Variants in SIX6 observed in about 807,000 individuals in gnomAD.
SIX6 encodes the protein homeobox protein SIX6.
In SIX6, 14 loss-of-function variants were observed where a neutral mutation model predicts 23.6. The ratio of observed to expected loss-of-function variants is 0.59; its 90% CI spans 0.39 to 0.93. The LOEUF (loss-of-function observed/expected upper bound fraction) is 0.93, where lower values mean the gene tolerates loss of function less well. Among genes scored for constraint, SIX6 ranks in the 40% least tolerant of loss-of-function variants. The pLI, the probability that SIX6 is intolerant of heterozygous loss-of-function variation, is 0.00. For missense variants in SIX6, 307 were observed against 325.6 expected, an observed-to-expected ratio of 0.94 and a Z score of 0.44; for synonymous variants, 128 against 144.9, an observed-to-expected ratio of 0.88 and a Z score of 0.84.
Position 60,509,777 on chromosome 14 carries a change from G to A in SIX6, c.379G>A (p.Asp127Asn). The A allele has an allele frequency of 6.2e-7, 1 of 1,613,190 alleles. No individual in the cohort carries two copies. ...GTTCCCGCTGCCGCGCACCATTTGG[G>A]ACGGCGAACAGAAGACACACTGCTT... is the stretch of plus-strand genomic sequence containing the variant. Reference protein sequence around the residue: ...KKFPLPRTIWDGEQKTHCFKE... With the variant: ...KKFPLPRTIWNGEQKTHCFKE... Residue 127 changes from aspartate to asparagine, a missense_variant, in exon 1 of 2, where the codon GAC becomes AAC. Coordinates refer to ENST00000327720, the MANE Select transcript of SIX6 (RefSeq NM_007374.3).
At chr14:60,510,300 T>C (rs1397588953) in intron 1 of SIX6, among the ~76,000 whole-genome samples, 1 of 152,216 alleles carries the variant, frequency 6.6e-6, no homozygotes, top group Admixed American at 6.5e-5. Context: ...CCAAAGCTAA[T>C]TCTTGTCAGC....
chr14:60,509,244 C>A lies in SIX6; in HGVS notation c.-155C>A. On this transcript the variant is annotated 5_prime_UTR_variant, in exon 1 of 2. Coordinates refer to ENST00000327720, the MANE Select transcript of SIX6 (RefSeq NM_007374.3). ...CCTCCTCCAGTCGGGGTCGTCCGCT[C>A]CCGGCCGTTGAGCCACCGCCGCCAC... is the stretch of plus-strand genomic sequence containing the variant. 1.5e-6 allele frequency: 1 copy of A among 684,398 alleles called. No homozygotes were observed. The highest frequency in any genetic ancestry group is 1.7e-5 in the South Asian group (1 of 58,432). 42.4% of individuals were successfully genotyped at this position (684,398 alleles called of 1,614,324 possible). A position where few individuals can be genotyped will look rare whatever the true frequency, so the allele number is the denominator to read the frequency against.
chr14:60,512,010 TATATGTATGTACCTATACAAAC>T lies in SIX6; in HGVS notation c.*792_*813del, dbSNP rs11267915. ...CCACGTCAAATTACACGTATGTGCA[TATATGTATGTACCTATACAAAC>T]ATATGTATGTACCTATACAAACATA... On this transcript the variant is annotated 3_prime_UTR_variant, in exon 2 of 2. Coordinates refer to ENST00000327720, the MANE Select transcript of SIX6 (RefSeq NM_007374.3). 131,261 of 150,872 alleles carry T rather than the reference TATATGTATGTACCTATACAAAC, an allele frequency of 0.87. 57,705 individuals are homozygous for T. Among genetic ancestry groups the T allele is most frequent in the Non-Finnish European group, 0.92 (62,323 of 67,854 alleles). 9.3% of individuals were successfully genotyped at this position (150,872 alleles called of 1,614,324 possible). A position where few individuals can be genotyped will look rare whatever the true frequency, so the allele number is the denominator to read the frequency against.
rs1008740006 is a variant in SIX6, at chr14:60,512,766, A to G, written c.*1514A>G. On this transcript the variant is annotated 3_prime_UTR_variant, in exon 2 of 2. Coordinates refer to ENST00000327720, the MANE Select transcript of SIX6 (RefSeq NM_007374.3). ...CAAAAACATCTACCATCTTTGCACT[A>G]AGAAAATAAATGCTAGCCAGAGTCT... The G allele has an allele frequency of 6.6e-6, 1 of 152,242 alleles. No individual in the cohort carries two copies. The highest frequency in any genetic ancestry group is 6.5e-5 in the Admixed American group (1 of 15,284). 9.4% of individuals were successfully genotyped at this position (152,242 alleles called of 1,614,324 possible). A position where few individuals can be genotyped will look rare whatever the true frequency, so the allele number is the denominator to read the frequency against.
rs148118869 is a variant in SIX6, at chr14:60,511,127, C to T, written c.616C>T (p.Arg206Trp). Residue 206 changes from arginine (R) to tryptophan (W), a missense_variant, in exon 2 of 2, where the codon CGG (arginine) becomes TGG (tryptophan). Transcript: ENST00000327720. ...VLSQGSGRAL[R>W]AEGDGTPEVL... is the part of the protein sequence containing the mutation. ...GTCACAGGGTTCCGGGCGGGCACTA[C>T]GGGCGGAGGGCGACGGCACGCCAGA... is the stretch of plus-strand genomic sequence containing the variant. 2 of 1,612,688 alleles carry T rather than the reference C, an allele frequency of 1.2e-6. No individual in the cohort carries two copies. Among genetic ancestry groups the T allele is most frequent in the Middle Eastern group, 1.6e-4 (1 of 6,068 alleles).
chr14:60,509,677 A>G lies in SIX6; in HGVS notation c.279A>G (p.Glu93=). ...CCAAGCTGCAGGCGCTGTGGCTTGAAGCACACTACCAGGAGGCTGAGAAGC... is the reference window on the plus strand; with the variant it reads ...CCAAGCTGCAGGCGCTGTGGCTTGAGGCACACTACCAGGAGGCTGAGAAGC... The part of the protein sequence containing the change: ...SHAKLQALWL[E]AHYQEAEKLR... Residue 93 remains glutamate, a synonymous_variant, in exon 1 of 2, where the codon GAA becomes GAG. Coordinates refer to ENST00000327720, the MANE Select transcript of SIX6 (RefSeq NM_007374.3). 6.2e-7 allele frequency: 1 copy of G among 1,614,052 alleles called. No homozygotes were observed. The highest frequency in any genetic ancestry group is 8.5e-7 in the Non-Finnish European group (1 of 1,180,006).
Position 60,509,822 on chromosome 14 carries a change from CT to C in SIX6, c.425del (p.Leu142ArgfsTer26). ...THCFKERTRH[L>X]LREWYLQDPY... ...CTGCTTCAAGGAGCGCACGCGGCAC[CT>C]GCTACGCGAGTGGTACCTGCAGGAT... On this transcript the variant is annotated frameshift_variant, in exon 1 of 2. Transcript: ENST00000327720. LOFTEE classifies it high-confidence loss of function. The C allele has an allele frequency of 6.2e-7, 1 of 1,613,904 alleles. No homozygotes were observed. The highest frequency in any genetic ancestry group is 8.5e-7 in the Non-Finnish European group (1 of 1,179,818).
Position 60,511,194 on chromosome 14 carries a change from G to A in SIX6, c.683G>A (p.Ser228Asn), listed in dbSNP as rs757206532. The change falls in exon 2 of 2, where the codon AGC (serine) becomes AAC (asparagine). Residue 228 changes from serine (S) to asparagine (N), a missense_variant. By Grantham distance (46) the Ser-to-Asn change is conservative. Coordinates refer to ENST00000327720, the MANE Select transcript of SIX6 (RefSeq NM_007374.3). ...ACCAGCCCGGCCGCCAGTCTATCCA[G>A]CAAGGCGGCCACTTCAGCCATCTCC... is the stretch of plus-strand genomic sequence containing the variant. ...VATSPAASLS[S>N]KAATSAISIT... is the part of the protein sequence containing the mutation. 3 of 1,612,992 alleles carry A rather than the reference G, an allele frequency of 1.9e-6. No homozygotes were observed. Among genetic ancestry groups the A allele is most frequent in the African/African-American group, 1.3e-5 (1 of 74,946 alleles).
At chr14:60,510,741 C>A (rs945950645) in intron 1 of SIX6, among the ~76,000 whole-genome samples, 7 of 152,246 alleles carry the variant, frequency 4.6e-5, no homozygotes, top group African/African-American at 1.7e-4. Flanking sequence ...CCGATCTGTC[C>A]TTGTCACCCA....
At position 60,509,606 on chromosome 14, in the gene SIX6, C is replaced by T; in HGVS notation, c.208C>T (p.Leu70Phe). ...CTTTCACGGTGGCAACTACCGCGAG[C>T]TCTATCATATCCTGGAAAACCACAA... ...VAFHGGNYRE[L>F]YHILENHKFT... Residue 70 changes from leucine to phenylalanine, a missense_variant, in exon 1 of 2, where the codon CTC becomes TTC. Leu to Phe is a conservative substitution (Grantham distance 22). Transcript: ENST00000327720. 1 of 1,613,618 alleles carries T rather than the reference C, an allele frequency of 6.2e-7. No homozygotes were observed. Among genetic ancestry groups the T allele is most frequent in the Non-Finnish European group, 8.5e-7 (1 of 1,180,002 alleles).
In SIX6 at chr14:60,509,375, C is replaced by T. The variant is rs1240873007; in HGVS notation, c.-24C>T. ...CGTGTCCCGCTCCGGGCTCAGTGCC[C>T]TCGCCGCCGCCGGCACTGCCTCGAT... On this transcript the variant is annotated 5_prime_UTR_variant, in exon 1 of 2. Transcript: ENST00000327720. 2 of 1,596,054 alleles carry T rather than the reference C, an allele frequency of 1.3e-6. No individual in the cohort carries two copies. Among genetic ancestry groups the T allele is most frequent in the Admixed American group, 1.7e-5 (1 of 60,024 alleles).
rs747563121 is a variant in SIX6 at position 60,509,410 on chromosome 14, G to C, written c.12G>C (p.Leu4=). The change falls in exon 1 of 2, where the codon CTG becomes CTC. Residue 4 remains leucine (L), a synonymous_variant. Coordinates refer to ENST00000327720, the MANE Select transcript of SIX6 (RefSeq NM_007374.3). MFQ[L]PILNFSPQQV... ...CCGGCACTGCCTCGATGTTCCAGCTGCCCATCTTGAATTTCAGCCCCCAGC... is the reference window on the plus strand; with the variant it reads ...CCGGCACTGCCTCGATGTTCCAGCTCCCCATCTTGAATTTCAGCCCCCAGC... 5 of 1,599,482 alleles carry C rather than the reference G, an allele frequency of 3.1e-6. No homozygotes were observed. In the Admixed American group the frequency reaches 6.7e-5, roughly 21 times the overall value.
intron 1 of SIX6, among the ~76,000 whole-genome samples, 158 bp downstream of exon 1, chr14:60,510,128 C>A (rs1355610125): frequency 6.6e-6 from 1 of 152,172 alleles, no homozygotes; most frequent in Non-Finnish European, 1.5e-5. Context: ...GGCTCCTGGC[C>A]GGGAGTTCCC....
intron 1 of SIX6, among the ~76,000 whole-genome samples, chr14:60,510,481 C>T (rs922279585): frequency 2.6e-5 from 4 of 152,236 alleles, no homozygotes; most frequent in African/African-American, 9.6e-5. Context: ...CCATGCGCTG[C>T]CTGCCACTCT....
intron 1 of SIX6, 74 bp from the exon 2 acceptor site, chr14:60,511,010 G>A: frequency 6.8e-7 from 1 of 1,474,996 alleles, no homozygotes; most frequent in Non-Finnish European, 9.3e-7. Context: ...CTGGAGGGAC[G>A]CAGGAGGTGG....
At position 60,511,102 on chromosome 14, in the gene SIX6, G is replaced by A; in HGVS notation, c.591G>A (p.Leu197=). The A allele has an allele frequency of 6.2e-7, 1 of 1,612,862 alleles. No homozygotes were observed. The highest frequency in any genetic ancestry group is 8.5e-7 in the Non-Finnish European group (1 of 1,179,838). The change falls in exon 2 of 2, where the codon CTG becomes CTA. Residue 197 remains leucine (L), a synonymous_variant. Transcript: ENST00000327720. ...AAKNRLQQQV[L]SQGSGRALRA... ...CCCGTAGACTCCAGCAGCAGGTCCT[G>A]TCACAGGGTTCCGGGCGGGCACTAC...
At position 60,511,162 on chromosome 14, in the gene SIX6, C is replaced by T. The variant is rs368912930; in HGVS notation, c.651C>T (p.Gly217=). The T allele has an allele frequency of 8.6e-5, 138 of 1,612,856 alleles. No homozygotes were observed. The highest frequency in any genetic ancestry group is 3.7e-4 in the Admixed American group (22 of 60,024). The change falls in exon 2 of 2, where the codon GGC becomes GGT. Residue 217 remains glycine, a synonymous_variant. Coordinates refer to ENST00000327720, the MANE Select transcript of SIX6 (RefSeq NM_007374.3). ...GCGACGGCACGCCAGAGGTGCTGGG[C>T]GTCGCCACCAGCCCGGCCGCCAGTC... ...AEGDGTPEVL[G]VATSPAASLS... is the part of the protein sequence containing the mutation.
Position 60,509,175 on chromosome 14 carries a change from G to T in SIX6, c.-224G>T. ...GCGGAGCCAGCTCGCCTGCCGGCGT[G>T]CCTGAGCCGAGCCGAGCCCGAACCC... On this transcript the variant is annotated 5_prime_UTR_variant, in exon 1 of 2. Transcript: ENST00000327720. The T allele has an allele frequency of 1.7e-6, 1 of 579,690 alleles. No individual in the cohort carries two copies. The allele number at this position is 579,690 out of a possible 1,614,324, so 35.9% of individuals were successfully genotyped here.
chr14:60,509,229 T>A lies in SIX6; in HGVS notation c.-170T>A. ...GCCGCGGAGCCAGCACCTCCTCCAG[T>A]CGGGGTCGTCCGCTCCCGGCCGTTG... On this transcript the variant is annotated 5_prime_UTR_variant, in exon 1 of 2. Coordinates refer to ENST00000327720, the MANE Select transcript of SIX6 (RefSeq NM_007374.3). 1.6e-6 allele frequency: 1 copy of A among 638,966 alleles called. No homozygotes were observed. Among genetic ancestry groups the A allele is most frequent in the East Asian group, 2.8e-5 (1 of 36,320 alleles). The allele number at this position is 638,966 out of a possible 1,614,324, so 39.6% of individuals were successfully genotyped here. A position where few individuals can be genotyped will look rare whatever the true frequency, so the allele number is the denominator to read the frequency against.
Sources: allele counts gnomAD v4.1 joint callset (sites outside exome capture counted in the v4.1 genomes callset), GRCh38; gene constraint gnomAD v4.1.1; transcripts MANE v1.5; gene names NCBI Gene and HGNC (gene_info 2026-07-23, HGNC 2026-07-21).